The following SNTG1 variants were observed in gnomAD, a reference collection of about 807,000 sequenced individuals.
SNTG1 encodes syntrophin gamma 1, also known as gamma-1-syntrophin.
Under a neutral mutation model 74.7 loss-of-function variants are expected in SNTG1, and 39 were observed. That is an observed-to-expected ratio of 0.52 (90% CI 0.40 to 0.68). SNTG1 has a LOEUF of 0.68. SNTG1 is among the 30% of genes least tolerant of loss of function. The pLI is 0.00. For synonymous variants in SNTG1, 254 were observed against 217.1 expected (o/e 1.17, Z -1.49); for missense variants, 685 against 609.5 (o/e 1.12, Z -1.30).
At chr8:49,937,354 T>A (rs540399722) in intron 1 of SNTG1, among the ~76,000 whole-genome samples, 2 of 152,292 alleles carry the variant, frequency 1.3e-5, no homozygotes, top group South Asian at 4.1e-4. Flanking sequence ...CATAGAGGCC[T>A]GCGGGGACTT....
intron 1 of SNTG1, among the ~76,000 whole-genome samples, chr8:50,037,892 G>A (rs1818298343): frequency 1.3e-5 from 2 of 152,286 alleles, no homozygotes; most frequent in Admixed American, 1.3e-4. Context: ...CTCAATGTTA[G>A]CCATGAAAGG....
At chr8:50,731,044 C>T (rs569926980) in intron 17 of SNTG1, among the ~76,000 whole-genome samples, 5 of 152,070 alleles carry the variant, frequency 3.3e-5, no homozygotes, top group South Asian at 4.1e-4. Context: ...AAGAATCTTG[C>T]CCAAAGTCAT....
At chr8:50,603,222 C>G (rs2094788080) in intron 13 of SNTG1, among the ~76,000 whole-genome samples, 1 of 152,112 alleles carries the variant, frequency 6.6e-6, no homozygotes, top group Non-Finnish European at 1.5e-5. Flanking sequence ...ATTGTCTCTT[C>G]TGTGATTTTC....
At chr8:50,361,844 G>C (rs953622853) in intron 2 of SNTG1, among the ~76,000 whole-genome samples, 1 of 152,146 alleles carries the variant, frequency 6.6e-6, no homozygotes, top group Non-Finnish European at 1.5e-5. Flanking sequence ...GAAGGTAATT[G>C]CAACACTATA....
chr8:50,117,814 A>C (rs1485833851), intron 1 of SNTG1, among the ~76,000 whole-genome samples: 1 of 152,092 alleles, frequency 6.6e-6, no homozygotes, highest in Non-Finnish European at 1.5e-5. Flanking sequence ...TCCTCTATTC[A>C]TTTATATTTT....
chr8:50,258,512 A>G (rs946201880), intron 2 of SNTG1, among the ~76,000 whole-genome samples: 4 of 152,198 alleles, frequency 2.6e-5, no homozygotes, highest in African/African-American at 7.2e-5. Context: ...ATATTCAAAC[A>G]TTTAAAAAAT....
At chr8:50,094,516 A>G (rs981462275) in intron 1 of SNTG1, among the ~76,000 whole-genome samples, 1 of 152,128 alleles carries the variant, frequency 6.6e-6, no homozygotes, top group African/African-American at 2.4e-5. Flanking sequence ...TTAAAAAATG[A>G]GCAATGGATA....
chr8:50,560,322 C>T (rs1450734310), intron 12 of SNTG1, among the ~76,000 whole-genome samples: 1 of 152,104 alleles, frequency 6.6e-6, no homozygotes, highest in Non-Finnish European at 1.5e-5. Context: ...ATTCCTTAAA[C>T]ATCTAGAAAC....
intron 8 of SNTG1, among the ~76,000 whole-genome samples, chr8:50,474,229 T>A (rs1009459764): frequency 6.6e-6 from 1 of 151,786 alleles, no homozygotes; most frequent in Non-Finnish European, 1.5e-5. Context: ...ACAAATGGGA[T>A]CTAATTAAAC....
rs6988843 is a variant in SNTG1, at chr8:50,139,475, C to T, written c.-102-33086C>T. On this transcript the variant is annotated intron_variant, in intron 1 of 18. Transcript: ENST00000642720. Reference sequence around the variant, plus strand: ...CCCAGAAGAGCTGCAATATGTAAGACGGTGTCATTAACCTAGAAAACAGAA... The same window carrying T: ...CCCAGAAGAGCTGCAATATGTAAGATGGTGTCATTAACCTAGAAAACAGAA... Among the ~76,000 whole-genome samples the T allele has an allele frequency of 5.9e-5, 9 of 152,104 alleles. No homozygotes were observed. The South Asian group carries it at 1.9e-3, about 32-fold the overall frequency.
intron 1 of SNTG1, among the ~76,000 whole-genome samples, chr8:50,017,266 CA>C (rs1348954852): frequency 6.6e-6 from 1 of 150,848 alleles, no homozygotes; most frequent in Non-Finnish European, 1.5e-5. Context: ...GATAGCTTAA[CA>C]AAAAATATAG....
Position 50,449,847 on chromosome 8 carries a change from A to G in SNTG1, c.277+122A>G, listed in dbSNP as rs1587669207. Reference sequence around the variant, plus strand: ...GACTGGCTCCAGCTTCCCCACCTTCAGGCATTAGTGGCTGAGTCTGCTTCC... The same window carrying G: ...GACTGGCTCCAGCTTCCCCACCTTCGGGCATTAGTGGCTGAGTCTGCTTCC... On this transcript the variant is annotated intron_variant, in intron 6 of 18. Coordinates refer to ENST00000642720, the MANE Select transcript of SNTG1 (RefSeq NM_018967.5). The G allele has an allele frequency of 6.0e-5, 50 of 834,864 alleles. No homozygotes were observed. In the East Asian group the frequency reaches 1.5e-3, roughly 25 times the overall value. The allele number at this position is 834,864 out of a possible 1,614,324, so 51.7% of individuals were successfully genotyped here. A position where few individuals can be genotyped will look rare whatever the true frequency, so the allele number is the denominator to read the frequency against.
intron 11 of SNTG1, among the ~76,000 whole-genome samples, chr8:50,550,265 G>C (rs746826201): frequency 9.2e-5 from 14 of 152,158 alleles, no homozygotes; most frequent in Non-Finnish European, 1.3e-4. Context: ...GTTTTTCCAT[G>C]GGGAGCTTCC....
chr8:50,560,677 G>A (rs113389329), intron 12 of SNTG1, among the ~76,000 whole-genome samples: 6,585 of 152,088 alleles, frequency 0.043, 264 homozygotes, highest in African/African-American at 0.097. Flanking sequence ...ACAAGAACAC[G>A]TGGACACATC....
intron 1 of SNTG1, among the ~76,000 whole-genome samples, chr8:49,995,540 T>A (rs536077421): frequency 6.6e-6 from 1 of 152,338 alleles, no homozygotes; most frequent in Non-Finnish European, 1.5e-5. Context: ...TTTTCTCCAA[T>A]AGCATTCAGC....
intron 9 of SNTG1, among the ~76,000 whole-genome samples, chr8:50,504,619 C>T (rs987984630): frequency 2.6e-5 from 4 of 151,960 alleles, no homozygotes; most frequent in South Asian, 2.1e-4. Context: ...TGGCAAAATG[C>T]CATCTCTACC....
chr8:50,754,090 C>T (rs973156653), intron 18 of SNTG1, among the ~76,000 whole-genome samples: 1 of 151,914 alleles, frequency 6.6e-6, no homozygotes, highest in African/African-American at 2.4e-5. Flanking sequence ...TATTGTATAA[C>T]CTCTATAACC....
At chr8:50,402,157 C>A (rs2092813729) in intron 3 of SNTG1, 53 bp from the exon 4 acceptor site, 9 of 1,557,506 alleles carry the variant, frequency 5.8e-6, no homozygotes, top group Admixed American at 2.1e-5. Context: ...AAAATTACAA[C>A]CTATAAACTA....
chr8:50,508,002 TG>T lies in SNTG1; in HGVS notation c.466+5124del, dbSNP rs2094024317. 5.3e-5 allele frequency among the ~76,000 whole-genome samples: 8 copies of T among 152,156 alleles called. No individual in the cohort carries two copies. In the South Asian group the frequency reaches 1.7e-3, roughly 32 times the overall value. ...TTACATATGTATACATGTGCCATGT[TG>T]GTATGCTGCCCCCATTAACTCATCA... On this transcript the variant is annotated intron_variant, in intron 9 of 18. Coordinates refer to ENST00000642720, the MANE Select transcript of SNTG1 (RefSeq NM_018967.5).
Sources: allele counts gnomAD v4.1 joint callset (sites outside exome capture counted in the v4.1 genomes callset), GRCh38; gene constraint gnomAD v4.1.1; transcripts MANE v1.5; gene names NCBI Gene and HGNC (gene_info 2026-07-23, HGNC 2026-07-21).